The following CDH13 variants were observed in gnomAD, a reference collection of about 807,000 sequenced individuals.
CDH13 encodes cadherin-13.
In CDH13, 24 loss-of-function variants were observed where a neutral mutation model predicts 63.8. The ratio of observed to expected loss-of-function variants is 0.38; its 90% CI spans 0.27 to 0.53. The LOEUF is 0.53. Among genes scored for constraint, CDH13 ranks in the 20% least tolerant of loss-of-function variants. CDH13 has a pLI of 0.85. For synonymous variants in CDH13, 503 were observed against 355.3 expected (o/e 1.42, Z -4.67); for missense variants, 1,049 against 903.1 (o/e 1.16, Z -2.07).
intron 10 of CDH13, among the ~76,000 whole-genome samples, chr16:83,696,870 CT>C (rs1826390820): frequency 6.6e-6 from 1 of 152,164 alleles, no homozygotes; most frequent in Non-Finnish European, 1.5e-5. Flanking sequence ...CGTCTCTCCC[CT>C]GATGAAGCCC....
At chr16:83,248,492 C>G (rs1905185126) in intron 5 of CDH13, among the ~76,000 whole-genome samples, 3 of 152,152 alleles carry the variant, frequency 2.0e-5, no homozygotes, top group South Asian at 4.2e-4. Flanking sequence ...GGGTTAGTAA[C>G]TTAAAATGAA....
intron 1 of CDH13, among the ~76,000 whole-genome samples, chr16:82,815,491 G>A (rs2037660619): frequency 6.6e-6 from 1 of 152,158 alleles, no homozygotes; most frequent in South Asian, 2.1e-4. Flanking sequence ...ACAATGCGTG[G>A]AACATGGAAA....
chr16:83,422,574 C>A (rs977707132), intron 6 of CDH13, among the ~76,000 whole-genome samples: 1 of 152,160 alleles, frequency 6.6e-6, no homozygotes, highest in Non-Finnish European at 1.5e-5. Flanking sequence ...TTTCTGGTGT[C>A]TGGTTCAAAA....
chr16:83,046,508 A>G (rs1597215749), intron 3 of CDH13, among the ~76,000 whole-genome samples: 1 of 152,246 alleles, frequency 6.6e-6, no homozygotes, highest in Non-Finnish European at 1.5e-5. Context: ...AGAATTTTAT[A>G]CATCAATACA....
chr16:83,382,528 A>C (rs146538538), intron 6 of CDH13, among the ~76,000 whole-genome samples: 30 of 152,140 alleles, frequency 2.0e-4, no homozygotes, highest in African/African-American at 7.0e-4. Flanking sequence ...TCAGTGCTCC[A>C]TCATATCTGC....
At chr16:83,265,472 A>G (rs1192003156) in intron 5 of CDH13, among the ~76,000 whole-genome samples, 1 of 152,120 alleles carries the variant, frequency 6.6e-6, no homozygotes, top group Non-Finnish European at 1.5e-5. Context: ...GCTCCCTTTT[A>G]CATAACTGTC....
chr16:82,647,752 G>A (rs937810135), intron 1 of CDH13, among the ~76,000 whole-genome samples: 5 of 152,192 alleles, frequency 3.3e-5, no homozygotes, highest in East Asian at 3.9e-4. Context: ...AGCCAGCCCT[G>A]TAATGGAAAA....
intron 4 of CDH13, among the ~76,000 whole-genome samples, chr16:83,170,965 C>A (rs898256817): frequency 6.6e-6 from 1 of 152,094 alleles, no homozygotes; most frequent in East Asian, 1.9e-4. Context: ...CTCTACTCAA[C>A]CTCCCCATCA....
intron 2 of CDH13, among the ~76,000 whole-genome samples, chr16:82,954,922 T>A (rs1905842082): frequency 6.6e-6 from 1 of 152,230 alleles, no homozygotes; most frequent in Non-Finnish European, 1.5e-5. Flanking sequence ...TCACTTAGGA[T>A]AGTGTTTTAA....
At chr16:82,797,964 C>A (rs1028779393) in intron 1 of CDH13, among the ~76,000 whole-genome samples, 2 of 152,102 alleles carry the variant, frequency 1.3e-5, no homozygotes, top group Non-Finnish European at 1.5e-5. Flanking sequence ...GTGTAGTGGT[C>A]TCTCCTGTCA....
intron 1 of CDH13, among the ~76,000 whole-genome samples, chr16:82,718,736 C>T (rs1597396420): frequency 6.6e-6 from 1 of 152,260 alleles, no homozygotes; most frequent in African/African-American, 2.4e-5. Flanking sequence ...TAAACATCAT[C>T]AGATCTCGTG....
At chr16:82,676,768 A>G (rs1913959739) in intron 1 of CDH13, among the ~76,000 whole-genome samples, 1 of 152,044 alleles carries the variant, frequency 6.6e-6, no homozygotes, top group African/African-American at 2.4e-5. Context: ...TTCTCCTTTC[A>G]TGCCACTCTA....
intron 1 of CDH13, among the ~76,000 whole-genome samples, chr16:82,652,328 C>T (rs1910813615): frequency 6.6e-6 from 1 of 152,126 alleles, no homozygotes; most frequent in African/African-American, 2.4e-5. Context: ...CTCACCTGGG[C>T]CAGGATTGTG....
chr16:83,096,335 C>T (rs1353861075), intron 3 of CDH13, among the ~76,000 whole-genome samples: 1 of 152,126 alleles, frequency 6.6e-6, no homozygotes, highest in African/African-American at 2.4e-5. Context: ...AGACATTATC[C>T]CAGAGAGAAG....
chr16:82,793,964 A>G (rs1407890573), intron 1 of CDH13, among the ~76,000 whole-genome samples: 1 of 152,040 alleles, frequency 6.6e-6, no homozygotes, highest in Non-Finnish European at 1.5e-5. Context: ...CTGGGTGGAA[A>G]TAGCCTGGAT....
intron 7 of CDH13, among the ~76,000 whole-genome samples, chr16:83,542,553 G>C (rs2075313654): frequency 6.6e-6 from 1 of 152,238 alleles, no homozygotes; most frequent in Non-Finnish European, 1.5e-5. Context: ...TACAACAGCA[G>C]AAATGTATTC....
chr16:82,933,329 A>T (rs2042558492), intron 2 of CDH13, among the ~76,000 whole-genome samples: 2 of 152,084 alleles, frequency 1.3e-5, no homozygotes, highest in Non-Finnish European at 2.9e-5. Flanking sequence ...AGCCCCCTAT[A>T]AAACTATCAG....
In CDH13 at chr16:83,325,482, G is replaced by A. The variant is rs75007954; in HGVS notation, c.637-19380G>A. ...AAAGGCCAGATAACAGGTACTTTAG[G>A]CCTTGCGAGTCATGCAGACCCTTTC... On this transcript the variant is annotated intron_variant, in intron 5 of 13. Transcript: ENST00000567109. 7.0e-3 allele frequency among the ~76,000 whole-genome samples: 1,071 copies of A among 152,224 alleles called. 6 individuals are homozygous for A. The highest frequency in any genetic ancestry group is 0.024 in the Middle Eastern group (7 of 294).
At chr16:83,306,273 C>T (rs1337606763) in intron 5 of CDH13, among the ~76,000 whole-genome samples, 1 of 152,204 alleles carries the variant, frequency 6.6e-6, no homozygotes, top group African/African-American at 2.4e-5. Context: ...CTGGTTCCCA[C>T]CAAGGCTTAT....
Sources: gnomAD v4.1 joint callset for allele counts (sites outside exome capture counted in the v4.1 genomes callset) on GRCh38, gnomAD v4.1.1 for gene constraint, MANE v1.5 for transcripts, NCBI Gene and HGNC (gene_info 2026-07-23, HGNC 2026-07-21) for gene names.